ARFRP1: variants seen among roughly 807,000 people sequenced by gnomAD.
The protein encoded by ARFRP1 is ADP-ribosylation factor-related protein 1.
Under a neutral mutation model 30.3 loss-of-function variants are expected in ARFRP1, and 19 were observed. The observed-to-expected ratio is 0.63, with a 90% CI of 0.44 to 0.92. The LOEUF (loss-of-function observed/expected upper bound fraction) is 0.92. Ranked by LOEUF, ARFRP1 falls within the 40% of genes least tolerant of loss-of-function variation. The pLI, the probability that ARFRP1 is intolerant of heterozygous loss-of-function variation, is 0.00. For synonymous variants in ARFRP1, 133 were observed against 114.2 expected, an observed-to-expected ratio of 1.16 and a Z score of -1.05; for missense variants, 245 against 267.5, an observed-to-expected ratio of 0.92 and a Z score of 0.59.
intron 4 of ARFRP1, chr20:63,704,512 G>A (rs918591645): frequency 6.6e-6 from 1 of 152,212 alleles, no homozygotes; most frequent in Non-Finnish European, 1.5e-5. Context: ...GAAGGGCTCA[G>A]ACTGCCAGGA....
intron 6 of ARFRP1, among the ~76,000 whole-genome samples, chr20:63,700,945 C>T (rs1307240293): frequency 2.0e-5 from 3 of 152,206 alleles, no homozygotes; most frequent in African/African-American, 7.2e-5. Context: ...GTCCACCCCC[C>T]ATCCCCTCCC....
intron 4 of ARFRP1, 58 bp from the exon 5 acceptor site, chr20:63,702,275 G>T: frequency 1.3e-6 from 2 of 1,524,026 alleles, no homozygotes; most frequent in Admixed American, 1.7e-5. Context: ...GGCCAGCAGA[G>T]CCAGGCCTGT....
chr20:63,700,737 C>T lies in ARFRP1; in HGVS notation c.418-35G>A, dbSNP rs1415739754. 9.4e-6 allele frequency: 15 copies of T among 1,602,518 alleles called. No homozygotes were observed. The Admixed American group carries it at 1.4e-4, about 15-fold the overall frequency. On this transcript the variant is annotated intron_variant, in intron 6 of 7. Coordinates refer to ENST00000622789, the MANE Select transcript of ARFRP1 (RefSeq NM_001267547.3). ...GTAAGGCCGTGAGGAGCAGCCCCCA[C>T]GTCTGGCCCTGTCCTGCCTGTGGGC...
Position 63,706,689 on chromosome 20 carries a change from A to G in ARFRP1, c.143T>C (p.Met48Thr). The change falls in exon 3 of 8, where the codon ATG (methionine) becomes ACG (threonine). Residue 48 changes from methionine to threonine, a missense_variant. Met to Thr is a moderately conservative substitution (Grantham distance 81, BLOSUM62 -1). Transcript: ENST00000622789. ...GGTGGTGGTGATTTTGGATAGACTC[A>G]TCCCCTTGTAGTTCTTGTTAAATCG... ...KTRFNKNYKGMSLSKITTTVG... is the reference protein window; with the variant it reads ...KTRFNKNYKGTSLSKITTTVG... The G allele has an allele frequency of 6.2e-7, 1 of 1,614,070 alleles. No homozygotes were observed.
At position 63,706,715 on chromosome 20, in the gene ARFRP1, G is replaced by A. The variant is rs34843664; in HGVS notation, c.117C>T (p.Thr39=). The A allele has an allele frequency of 9.3e-6, 15 of 1,613,790 alleles. No homozygotes were observed. The African/African-American group carries it at 1.7e-4, about 19-fold the overall frequency. ...TCCCCTTGTAGTTCTTGTTAAATCG[G>A]GTTTTCGACTGCTCCAGGAAGGTCT... The part of the protein sequence containing the change: ...GKTTFLEQSK[T]RFNKNYKGMS... Residue 39 remains threonine, a synonymous_variant, in exon 3 of 8, where the codon ACC becomes ACT. Coordinates refer to ENST00000622789, the MANE Select transcript of ARFRP1 (RefSeq NM_001267547.3).
Position 63,706,372 on chromosome 20 carries a change from C to A in ARFRP1, c.249G>T (p.Gln83His). ...FWDLGGQEEL[Q>H]SLWDKYYAEC... is the part of the protein sequence containing the mutation. ...GGAGTCTTACCTTGTCCCACAAAGA[C>A]TGCAGCTCTTCCTGCCCTCCTAAGT... The change falls in exon 4 of 8, where the codon CAG becomes CAT. Residue 83 changes from glutamine to histidine, a missense_variant. By Grantham distance (24) the Gln-to-His change is conservative. Coordinates refer to ENST00000622789, the MANE Select transcript of ARFRP1 (RefSeq NM_001267547.3). The A allele has an allele frequency of 6.2e-7, 1 of 1,613,412 alleles. No homozygotes were observed. The highest frequency in any genetic ancestry group is 2.2e-5 in the East Asian group (1 of 44,872).
chr20:63,701,794 C>A, intron 6 of ARFRP1, 36 bp downstream of exon 6: 1 of 1,545,558 alleles, frequency 6.5e-7, no homozygotes, highest in South Asian at 1.2e-5. Flanking sequence ...GCTGGGGACT[C>A]GGGAAGCTGC....
Position 63,702,006 on chromosome 20 carries a change from C to T in ARFRP1, c.347-106G>A, listed in dbSNP as rs535693893. 7.9e-6 allele frequency: 8 copies of T among 1,013,692 alleles called. No individual in the cohort carries two copies. In the East Asian group the frequency reaches 1.6e-4, roughly 21 times the overall value. The allele number at this position is 1,013,692 out of a possible 1,614,324, so 62.8% of individuals were successfully genotyped here. A position where few individuals can be genotyped will look rare whatever the true frequency, so the allele number is the denominator to read the frequency against. ...TGACAGCCACTCCCTCTGCCCCCCC[C>T]CCCCCCGTCACCCACTAGGCAGGAG... On this transcript the variant is annotated intron_variant, in intron 5 of 7. Transcript: ENST00000622789.
In ARFRP1 at chr20:63,698,876, C is replaced by T. The variant is rs977891661; in HGVS notation, c.*1567G>A. On this transcript the variant is annotated 3_prime_UTR_variant, in exon 8 of 8. Transcript: ENST00000622789. ...AGTGGCTGTGGCACGTGGCAGGGGC[C>T]CCTGAAGCTCAGCGAGGGTCAGGGC... 3.8e-5 allele frequency: 10 copies of T among 262,088 alleles called. No individual in the cohort carries two copies. Among genetic ancestry groups the T allele is most frequent in the Non-Finnish European group, 5.7e-5 (8 of 140,346 alleles). 16.2% of individuals were successfully genotyped at this position (262,088 alleles called of 1,614,324 possible).
In ARFRP1 at chr20:63,700,249, G is replaced by A. The variant is rs1026929475; in HGVS notation, c.*194C>T. 1.3e-4 allele frequency: 106 copies of A among 814,344 alleles called. No homozygotes were observed. The highest frequency in any genetic ancestry group is 1.9e-4 in the Non-Finnish European group (99 of 533,930). The allele number at this position is 814,344 out of a possible 1,614,324, so 50.4% of individuals were successfully genotyped here. A position where few individuals can be genotyped will look rare whatever the true frequency, so the allele number is the denominator to read the frequency against. ...AGGGCCTGGGCCAGCCGGGCTGCCA[G>A]ACTCCCCTCCAAAGCCTCCGGATGC... On this transcript the variant is annotated 3_prime_UTR_variant, in exon 8 of 8. Transcript: ENST00000622789.
At chr20:63,702,244 C>T (rs1284095818) in intron 4 of ARFRP1, 27 bp from the exon 5 acceptor site, 3 of 1,598,220 alleles carry the variant, frequency 1.9e-6, no homozygotes, top group Non-Finnish European at 1.7e-6. Context: ...GGAGTTGGGG[C>T]TCAGTCCCCA....
At chr20:63,703,815 C>T (rs2091326867) in intron 4 of ARFRP1, 2 of 152,632 alleles carry the variant, frequency 1.3e-5, no homozygotes, top group South Asian at 4.1e-4. Flanking sequence ...AGCAGGGCCG[C>T]AGTGGACGGG....
chr20:63,700,637 T>G lies in ARFRP1; in HGVS notation c.483A>C (p.Arg161=), dbSNP rs1048665. 391,990 of 1,610,332 alleles carry G rather than the reference T, an allele frequency of 0.24. 53,472 individuals are homozygous for G. Among genetic ancestry groups the G allele is most frequent in the East Asian group, 0.62 (27,990 of 44,802 alleles). ...CCGAGCAGGCCTGGGTCAGGCAATC[T>G]CGCCTGCCGATCTTGCTGGTGCAGT... is the stretch of plus-strand genomic sequence containing the variant. ...FSDCTSKIGR[R]DCLTQACSAL... The change falls in exon 7 of 8, where the codon CGA becomes CGC. Residue 161 remains arginine, a synonymous_variant. Coordinates refer to ENST00000622789, the MANE Select transcript of ARFRP1 (RefSeq NM_001267547.3).
chr20:63,704,534 A>T (rs2145574029), intron 4 of ARFRP1: 1 of 152,348 alleles, frequency 6.6e-6, no homozygotes, highest in African/African-American at 2.4e-5. Context: ...GTCGCACCCC[A>T]GCAGAAGTGG....
At chr20:63,702,080 C>T in intron 5 of ARFRP1, 56 bp downstream of exon 5, 1 of 1,570,952 alleles carries the variant, frequency 6.4e-7, no homozygotes, top group Non-Finnish European at 8.7e-7. Flanking sequence ...GCTGCCCAAG[C>T]TGGACCTGCC....
At chr20:63,701,778 GGGGAGGCTGGGGACTCGGGAAGCTGCTGC>G in intron 6 of ARFRP1, 23 bp downstream of exon 6, 1 of 1,511,072 alleles carries the variant, frequency 6.6e-7, no homozygotes, top group African/African-American at 1.4e-5. Context: ...CCTTGCTGTG[GGGGAGGCTGGGGACTCGGGAAGCTGCTGC>G]GGGAGGCAGG....
In ARFRP1 at chr20:63,707,059, G is replaced by A. The variant is rs771274335; in HGVS notation, c.33C>T (p.Tyr11=). Residue 11 remains tyrosine, a synonymous_variant, in exon 2 of 8, where the codon TAC becomes TAT. Coordinates refer to ENST00000622789, the MANE Select transcript of ARFRP1 (RefSeq NM_001267547.3). The part of the protein sequence containing the change: MYTLLSGLYK[Y]MFQKDEYCIL... ...TGCAGTACTCGTCCTTCTGAAACAT[G>A]TACTTGTACAAGCCCGACAGCAGCG... 1 of 1,613,792 alleles carries A rather than the reference G, an allele frequency of 6.2e-7. No individual in the cohort carries two copies. The highest frequency in any genetic ancestry group is 1.3e-5 in the African/African-American group (1 of 75,062).
chr20:63,700,508 C>G lies in ARFRP1; in HGVS notation c.541G>C (p.Glu181Gln). ...LTGKGVREGI[E>Q]WMVKCVVRNV... ...CGCACGACACACTTCACCATCCACT[C>G]GATGCCCTCGCGCACCCCTTTGCTG... Residue 181 changes from glutamate (E) to glutamine (Q), a missense_variant, in exon 8 of 8, where the codon GAG becomes CAG. By Grantham distance (29) the Glu-to-Gln change is conservative. Coordinates refer to ENST00000622789, the MANE Select transcript of ARFRP1 (RefSeq NM_001267547.3). 1 of 1,610,762 alleles carries G rather than the reference C, an allele frequency of 6.2e-7. No homozygotes were observed. The highest frequency in any genetic ancestry group is 8.5e-7 in the Non-Finnish European group (1 of 1,179,862).
chr20:63,706,164 T>C (rs1454165157), intron 4 of ARFRP1, 193 bp downstream of exon 4: 4 of 564,140 alleles, frequency 7.1e-6, no homozygotes, highest in South Asian at 3.8e-5. Context: ...ACCACCACTT[T>C]TGGGGCAACT....
Sources: gnomAD v4.1 joint callset for allele counts (sites outside exome capture counted in the v4.1 genomes callset) on GRCh38, gnomAD v4.1.1 for gene constraint, MANE v1.5 for transcripts, NCBI Gene and HGNC (gene_info 2026-07-23, HGNC 2026-07-21) for gene names.